MIGA1: variants seen among roughly 807,000 people sequenced by gnomAD.
MIGA1 encodes mitoguardin 1.
A neutral mutation model predicts 82.0 loss-of-function variants in MIGA1; 58 were observed. The observed-to-expected ratio is 0.71, with a 90% CI of 0.57 to 0.88. The LOEUF (loss-of-function observed/expected upper bound fraction) is 0.88. Among genes scored for constraint, MIGA1 ranks in the 40% least tolerant of loss-of-function variants. MIGA1 has a pLI of 0.00. For missense variants in MIGA1, 751 were observed against 749.1 expected (o/e 1.00, Z -0.03); for synonymous variants, 249 against 253.6 (o/e 0.98, Z 0.17).
At chr1:77,785,453 C>T (rs1682116553) in intron 2 of MIGA1, among the ~76,000 whole-genome samples, 1 of 152,038 alleles carries the variant, frequency 6.6e-6, no homozygotes, top group African/African-American at 2.4e-5. Flanking sequence ...AAGCGATTCT[C>T]CTGCCTCAGC....
chr1:77,866,213 C>A, intron 13 of MIGA1, 125 bp from the exon 14 acceptor site: 2 of 823,244 alleles, frequency 2.4e-6, no homozygotes, highest in Non-Finnish European at 3.8e-6. Context: ...CTGTGCCCGG[C>A]CGACTAGTTC....
intron 7 of MIGA1, among the ~76,000 whole-genome samples, chr1:77,818,783 A>C (rs1683679214): frequency 6.6e-6 from 1 of 152,038 alleles, no homozygotes; most frequent in Non-Finnish European, 1.5e-5. Context: ...CTAGATAAAA[A>C]ATTAGCAGGG....
intron 2 of MIGA1, among the ~76,000 whole-genome samples, chr1:77,791,660 T>C (rs1682434188): frequency 6.6e-6 from 1 of 151,006 alleles, no homozygotes; most frequent in African/African-American, 2.4e-5. Context: ...GTCTCCTGGG[T>C]TCAAGTGGTT....
At chr1:77,867,690 A>G (rs1382481311) in intron 14 of MIGA1, among the ~76,000 whole-genome samples, 1 of 152,210 alleles carries the variant, frequency 6.6e-6, no homozygotes, top group African/African-American at 2.4e-5. Flanking sequence ...ATAGTGCATT[A>G]AGCAAGTATT....
intron 7 of MIGA1, among the ~76,000 whole-genome samples, chr1:77,827,389 G>T (rs1371315614): frequency 1.3e-5 from 2 of 152,072 alleles, no homozygotes; most frequent in Non-Finnish European, 2.9e-5. Flanking sequence ...GGGGAGGGTT[G>T]CTTGAGTCTT....
chr1:77,828,502 A>G (rs369678857), intron 7 of MIGA1, among the ~76,000 whole-genome samples: 62 of 152,326 alleles, frequency 4.1e-4, no homozygotes, highest in African/African-American at 1.4e-3. Flanking sequence ...ATTTAAGTAA[A>G]TGGTATAATT....
intron 7 of MIGA1, among the ~76,000 whole-genome samples, chr1:77,832,059 A>G (rs1227569618): frequency 3.9e-5 from 6 of 152,224 alleles, no homozygotes; most frequent in Admixed American, 3.9e-4. Flanking sequence ...GAAGAGTAGT[A>G]TATATGTACA....
At chr1:77,779,790 G>A (rs1330583099) in intron 1 of MIGA1, 54 bp downstream of exon 1, 56 of 1,510,760 alleles carry the variant, frequency 3.7e-5, no homozygotes, top group Non-Finnish European at 4.6e-5. Flanking sequence ...GAAGCGGAGA[G>A]TTGAGCGGCC....
chr1:77,857,773 A>G (rs1480448922), intron 8 of MIGA1, among the ~76,000 whole-genome samples: 2 of 142,922 alleles, frequency 1.4e-5, no homozygotes, highest in East Asian at 2.0e-4. Flanking sequence ...AGTGTTTGCA[A>G]TTGTTTTTTA....
intron 7 of MIGA1, among the ~76,000 whole-genome samples, chr1:77,820,386 T>C (rs1214511663): frequency 1.3e-5 from 2 of 152,194 alleles, no homozygotes; most frequent in Admixed American, 1.3e-4. Context: ...GCAGACTAAC[T>C]GGGTTCAACT....
chr1:77,819,192 G>A (rs1315077967), intron 7 of MIGA1, among the ~76,000 whole-genome samples: 1 of 152,098 alleles, frequency 6.6e-6, no homozygotes, highest in African/African-American at 2.4e-5. Flanking sequence ...AAGTACAGAG[G>A]CATTAATAAC....
At chr1:77,780,022 A>G in intron 1 of MIGA1, 1 of 1,186,678 alleles carries the variant, frequency 8.4e-7, no homozygotes, top group Middle Eastern at 3.4e-4. Flanking sequence ...GAGGCCTGCA[A>G]AGGAAGCGCG....
chr1:77,860,201 A>G, intron 11 of MIGA1, 75 bp downstream of exon 11: 1 of 1,082,926 alleles, frequency 9.2e-7, no homozygotes, highest in East Asian at 2.5e-5. Flanking sequence ...AGATTAAGAC[A>G]TTAAATTTTT....
At chr1:77,860,806 A>C (rs982197521) in intron 11 of MIGA1, 2 of 166,526 alleles carry the variant, frequency 1.2e-5, no homozygotes, top group Admixed American at 1.2e-4. Context: ...ATGTAAGGTG[A>C]TACTATTAAT....
intron 1 of MIGA1, chr1:77,782,752 C>T (rs544357579): frequency 1.3e-4 from 42 of 333,716 alleles, no homozygotes; most frequent in Non-Finnish European, 1.4e-4. Flanking sequence ...AGAATAAATG[C>T]GTGAGTTCTG....
At chr1:77,813,989 C>T (rs1683476462) in intron 6 of MIGA1, 122 bp downstream of exon 6, 5 of 942,622 alleles carry the variant, frequency 5.3e-6, no homozygotes, top group South Asian at 3.4e-5. Flanking sequence ...CTCCTGGGCT[C>T]AAGCGATCTT....
At chr1:77,804,236 T>G (rs529354458) in intron 4 of MIGA1, among the ~76,000 whole-genome samples, 15 of 152,144 alleles carry the variant, frequency 9.9e-5, no homozygotes, top group Non-Finnish European at 2.1e-4. Flanking sequence ...CCTCCTTCTT[T>G]GAATCATTAA....
intron 8 of MIGA1, chr1:77,848,249 A>G: frequency 7.2e-7 from 1 of 1,389,658 alleles, no homozygotes. Flanking sequence ...CCAAAGAGAA[A>G]GAAGTGACAG....
At chr1:77,803,636 T>G (rs188852775) in intron 4 of MIGA1, among the ~76,000 whole-genome samples, 33 of 152,230 alleles carry the variant, frequency 2.2e-4, no homozygotes, top group Non-Finnish European at 4.3e-4. Context: ...GTGAAAATAG[T>G]GTTGATGTGG....
Sources: gnomAD v4.1 joint callset for allele counts (sites outside exome capture counted in the v4.1 genomes callset) on GRCh38, gnomAD v4.1.1 for gene constraint, MANE v1.5 for transcripts, NCBI Gene and HGNC (gene_info 2026-07-23, HGNC 2026-07-21) for gene names.